Variants in FIGN observed in about 807,000 individuals in gnomAD.
The protein encoded by FIGN is fidgetin.
Under a neutral mutation model 51.3 loss-of-function variants are expected in FIGN, and 11 were observed. The ratio of observed to expected loss-of-function variants is 0.21; its 90% CI spans 0.13 to 0.35. The LOEUF (loss-of-function observed/expected upper bound fraction) is 0.35, where lower values mean the gene tolerates loss of function less well. Among genes scored for constraint, FIGN ranks in the 10% least tolerant of loss-of-function variants. The pLI is 1.00. For missense variants in FIGN, 857 were observed against 943.6 expected (o/e 0.91, Z 1.20); for synonymous variants, 407 against 363.2 (o/e 1.12, Z -1.37).
At position 163,612,946 on chromosome 2, in the gene FIGN, T is replaced by G. The variant is rs569247564; in HGVS notation, c.26-1140A>C. Among the ~76,000 whole-genome samples the G allele has an allele frequency of 2.6e-5, 4 of 152,216 alleles. No homozygotes were observed. In the East Asian group the frequency reaches 7.7e-4, roughly 29 times the overall value. On this transcript the variant is annotated intron_variant, in intron 2 of 2. Transcript: ENST00000333129. The stretch of plus-strand genomic sequence containing the variant: ...AGATGGTCTGGGTAATTCTATCATC[T>G]GCTGGGTTACTAAGTGAAGCAAAGT...
chr2:163,685,730 T>C (rs1684136777), intron 2 of FIGN, among the ~76,000 whole-genome samples: 1 of 152,194 alleles, frequency 6.6e-6, no homozygotes, highest in African/African-American at 2.4e-5. Context: ...ATCAAATAGT[T>C]TTTCCTAAGA....
chr2:163,611,168 G>A lies in FIGN; in HGVS notation c.664C>T (p.Pro222Ser), dbSNP rs769068467. ...SPLHSSGLLQ[P>S]PPPPPPPPAL... Reference sequence around the variant, plus strand: ...GGTGGCGGAGGAGGTGGTGGTGGGGGCTGTAGTAGCCCAGAGCTATGCAAA... The same window carrying A: ...GGTGGCGGAGGAGGTGGTGGTGGGGACTGTAGTAGCCCAGAGCTATGCAAA... The change falls in exon 3 of 3, where the codon CCC becomes TCC. Residue 222 changes from proline (P) to serine (S), a missense_variant. Physicochemically the swap from Pro to Ser is moderately conservative, Grantham distance 74. Transcript: ENST00000333129. 3.7e-6 allele frequency: 6 copies of A among 1,614,122 alleles called. No individual in the cohort carries two copies. The South Asian group carries it at 5.5e-5, about 15-fold the overall frequency.
intron 2 of FIGN, among the ~76,000 whole-genome samples, chr2:163,692,599 A>T (rs1031115012): frequency 6.6e-6 from 1 of 152,218 alleles, no homozygotes; most frequent in African/African-American, 2.4e-5. Context: ...GATTCCCGAA[A>T]GGGTTTGAAT....
chr2:163,730,580 G>T (rs1427534314), intron 2 of FIGN, among the ~76,000 whole-genome samples: 2 of 151,366 alleles, frequency 1.3e-5, no homozygotes, highest in Admixed American at 1.3e-4. Flanking sequence ...CTTCTAAGTG[G>T]TACCCCCAAA....
At chr2:163,614,528 T>A (rs1315925271) in intron 2 of FIGN, among the ~76,000 whole-genome samples, 1 of 152,088 alleles carries the variant, frequency 6.6e-6, no homozygotes, top group Non-Finnish European at 1.5e-5. Context: ...TTTAAAATAT[T>A]ATCAAAATAC....
intron 2 of FIGN, among the ~76,000 whole-genome samples, chr2:163,646,428 A>G (rs1332033744): frequency 1.3e-5 from 2 of 152,214 alleles, no homozygotes; most frequent in African/African-American, 4.8e-5. Flanking sequence ...TAGGTTAAAA[A>G]GAAATTAAGG....
chr2:163,609,960 G>A lies in FIGN; in HGVS notation c.1872C>T (p.Ile624=), dbSNP rs377530148. Residue 624 remains isoleucine, a synonymous_variant, in exon 3 of 3, where the codon ATC becomes ATT. Coordinates refer to ENST00000333129, the MANE Select transcript of FIGN (RefSeq NM_018086.4). ...GTTTACTGGTGGCACAAATTACTAC[G>A]ATTTGGTCCTCAGCCGAAGTTAGTA... is the stretch of plus-strand genomic sequence containing the variant. ...DTVLTSAEDQ[I]VVICATSKPE... The A allele has an allele frequency of 2.0e-5, 32 of 1,613,798 alleles. No individual in the cohort carries two copies. The African/African-American group carries it at 2.8e-4, about 14-fold the overall frequency.
At chr2:163,660,947 G>T (rs1336644279) in intron 2 of FIGN, among the ~76,000 whole-genome samples, 1 of 120,964 alleles carries the variant, frequency 8.3e-6, no homozygotes, top group Non-Finnish European at 1.6e-5. Flanking sequence ...CCAGTGGCAT[G>T]ATCTTGGCTC....
intron 2 of FIGN, among the ~76,000 whole-genome samples, chr2:163,643,172 T>C (rs1683329264): frequency 6.6e-6 from 1 of 152,166 alleles, no homozygotes; most frequent in Admixed American, 6.6e-5. Flanking sequence ...GATGCTGGCA[T>C]AAGGACAGAC....
intron 2 of FIGN, among the ~76,000 whole-genome samples, chr2:163,717,029 C>T (rs1684677733): frequency 6.6e-6 from 1 of 152,096 alleles, no homozygotes; most frequent in African/African-American, 2.4e-5. Context: ...TCTCCAAACA[C>T]CCCTTAGAAC....
intron 2 of FIGN, among the ~76,000 whole-genome samples, chr2:163,677,117 A>G (rs185662808): frequency 3.3e-5 from 5 of 152,344 alleles, no homozygotes; most frequent in Admixed American, 2.6e-4. Context: ...GAAGGATGTG[A>G]ACCATCAAGT....
chr2:163,669,108 A>G (rs759270727), intron 2 of FIGN, among the ~76,000 whole-genome samples: 6 of 151,324 alleles, frequency 4.0e-5, no homozygotes, highest in Admixed American at 2.0e-4. Context: ...AACTCCTTTT[A>G]CTCATTTATA....
chr2:163,696,863 G>C (rs1296770198), intron 2 of FIGN, among the ~76,000 whole-genome samples: 2 of 148,830 alleles, frequency 1.3e-5, no homozygotes, highest in African/African-American at 5.0e-5. Flanking sequence ...AAGAGACAAG[G>C]TCTCACTATG....
intron 2 of FIGN, among the ~76,000 whole-genome samples, chr2:163,646,713 A>G (rs1284319397): frequency 6.6e-6 from 1 of 152,220 alleles, no homozygotes; most frequent in African/African-American, 2.4e-5. Flanking sequence ...CTATTGAAAC[A>G]GGATAAATAG....
At chr2:163,654,502 C>A (rs1460327780) in intron 2 of FIGN, among the ~76,000 whole-genome samples, 1 of 152,214 alleles carries the variant, frequency 6.6e-6, no homozygotes, top group Middle Eastern at 3.4e-3. Flanking sequence ...GTAGTTGGAA[C>A]TCTGATCCCA....
At chr2:163,722,799 G>T (rs1684778516) in intron 2 of FIGN, among the ~76,000 whole-genome samples, 1 of 151,728 alleles carries the variant, frequency 6.6e-6, no homozygotes, top group South Asian at 2.1e-4. Context: ...AAAGAATATA[G>T]AAATTTCAAT....
intron 2 of FIGN, among the ~76,000 whole-genome samples, chr2:163,654,697 A>C (rs376257722): frequency 2.6e-5 from 4 of 152,320 alleles, no homozygotes; most frequent in Admixed American, 6.5e-5. Context: ...CAGATTTAAA[A>C]ATAACTAAAA....
intron 2 of FIGN, among the ~76,000 whole-genome samples, chr2:163,695,167 A>G (rs1376943444): frequency 6.6e-6 from 1 of 152,078 alleles, no homozygotes; most frequent in African/African-American, 2.4e-5. Flanking sequence ...TTTTCCTTAA[A>G]TTCCTTAGAA....
chr2:163,723,113 C>T (rs1305023197), intron 2 of FIGN, among the ~76,000 whole-genome samples: 1 of 151,908 alleles, frequency 6.6e-6, no homozygotes, highest in African/African-American at 2.4e-5. Context: ...ATGGCGTGAA[C>T]CCGGGAGGTG....
Sources: gnomAD v4.1 joint callset for allele counts (sites outside exome capture counted in the v4.1 genomes callset) on GRCh38, gnomAD v4.1.1 for gene constraint, MANE v1.5 for transcripts, NCBI Gene and HGNC (gene_info 2026-07-23, HGNC 2026-07-21) for gene names.